The following IRAG1 variants were observed in gnomAD, a reference collection of about 807,000 sequenced individuals.
IRAG1 encodes the protein IP3R-associated cGMP kinase substrate.
IRAG1 carries 62 observed loss-of-function variants against 106.2 expected under a neutral mutation model. The observed-to-expected ratio is 0.58, with a 90% CI of 0.48 to 0.72. IRAG1 has a LOEUF of 0.72. Among genes scored for constraint, IRAG1 ranks in the 30% least tolerant of loss-of-function variants. IRAG1 has a pLI of 0.00. For synonymous variants in IRAG1, 462 were observed against 443.9 expected (o/e 1.04, Z -0.51); for missense variants, 1,064 against 1,140.7 (o/e 0.93, Z 0.97).
chr11:10,606,592 G>T, intron 12 of IRAG1, 150 bp downstream of exon 12: 1 of 756,958 alleles, frequency 1.3e-6, no homozygotes. Flanking sequence ...TGGTTCAAGA[G>T]GGCTGGTCAT....
intron 18 of IRAG1, 77 bp from the exon 19 acceptor site, chr11:10,582,063 C>T (rs1013713105): frequency 7.3e-6 from 11 of 1,512,092 alleles, no homozygotes; most frequent in African/African-American, 2.8e-5. Flanking sequence ...GTTTTTGGCC[C>T]GATTCCTGAT....
At chr11:10,683,814 C>G (rs1306223545) in intron 1 of IRAG1, among the ~76,000 whole-genome samples, 1 of 151,616 alleles carries the variant, frequency 6.6e-6, no homozygotes, top group Non-Finnish European at 1.5e-5. Flanking sequence ...CTTCTCTTTC[C>G]CCTTGAAGAA....
At chr11:10,633,326 T>C (rs77541479) in intron 3 of IRAG1, among the ~76,000 whole-genome samples, 2,140 of 152,272 alleles carry the variant, frequency 0.014, 35 homozygotes, top group East Asian at 0.062. Flanking sequence ...TCACCCGCCT[T>C]GGCCTCCCAA....
rs115646188 is a variant in IRAG1, at chr11:10,628,249, G to A, written c.653-224C>T. On this transcript the variant is annotated intron_variant, in intron 6 of 20. Transcript: ENST00000423302. This position sits in a 1 kb window ranked among gnomAD's most constrained non-coding sequence, Gnocchi z 4.1. ...CAGGGAAATCAAAGTCTCATGGCCA[G>A]GAAATGTCAGCACTGAGATTTGGGC... is the stretch of plus-strand genomic sequence containing the variant. Among the ~76,000 whole-genome samples, 431 of 152,354 alleles carry A rather than the reference G, an allele frequency of 2.8e-3. 2 individuals are homozygous for A. Among genetic ancestry groups the A allele is most frequent in the African/African-American group, 0.01 (419 of 41,582 alleles).
At chr11:10,689,271 A>G (rs1861884064) in intron 1 of IRAG1, among the ~76,000 whole-genome samples, 1 of 152,132 alleles carries the variant, frequency 6.6e-6, no homozygotes, top group Non-Finnish European at 1.5e-5. Flanking sequence ...AACCTTTTGA[A>G]TTTGTCCAGG....
chr11:10,669,747 C>G (rs1860072524), intron 1 of IRAG1, among the ~76,000 whole-genome samples: 2 of 152,142 alleles, frequency 1.3e-5, no homozygotes, highest in Admixed American at 1.3e-4. Context: ...TACCCTTCAC[C>G]CTCCTTGCAG....
intron 9 of IRAG1, 48 bp from the exon 10 acceptor site, chr11:10,623,904 C>T (rs1856024942): frequency 6.5e-7 from 1 of 1,543,986 alleles, no homozygotes; most frequent in Admixed American, 1.7e-5. Flanking sequence ...TGACACTGGG[C>T]TGGGCTGTTC....
At chr11:10,590,042 C>A (rs1852466279) in intron 18 of IRAG1, among the ~76,000 whole-genome samples, 1 of 152,082 alleles carries the variant, frequency 6.6e-6, no homozygotes, top group Non-Finnish European at 1.5e-5. Flanking sequence ...GGGAAAGGGG[C>A]TAGAGTTGAG....
At chr11:10,631,534 T>A (rs1371748296) in intron 4 of IRAG1, among the ~76,000 whole-genome samples, 1 of 152,214 alleles carries the variant, frequency 6.6e-6, no homozygotes, top group Admixed American at 6.5e-5. Flanking sequence ...AGTCTCTTCA[T>A]AGTCTATGAG....
chr11:10,658,677 C>CGTGCTGTGGTCAGTCCCAGGTCT, intron 1 of IRAG1: 1 of 137,884 alleles, frequency 7.3e-6, no homozygotes, highest in African/African-American at 3.3e-5. Context: ...GTCCCAGGTC[C>CGTGCTGTGGTCAGTCCCAGGTCT]GTGCTGTGGT....
At chr11:10,618,916 C>T (rs1855630208) in intron 10 of IRAG1, among the ~76,000 whole-genome samples, 1 of 152,116 alleles carries the variant, frequency 6.6e-6, no homozygotes, top group African/African-American at 2.4e-5. Context: ...TTCTAGAGAT[C>T]CCTGCGGCTG....
rs769394843 is a variant in IRAG1, at chr11:10,576,439, A to G, written c.2632T>C (p.Cys878Arg). ...AGGGGCCCATCAGCCTGCTCTGCAC[A>G]AGAGTTATAGGAATTGTAGAGCCCC... Reference protein sequence around the residue: ...VLGLYNSYNSCAEQADGPLGR... With the variant: ...VLGLYNSYNSRAEQADGPLGR... The change falls in exon 21 of 21, where the codon TGT becomes CGT. Residue 878 changes from cysteine to arginine, a missense_variant. Physicochemically the swap from Cys to Arg is radical, Grantham distance 180. Coordinates refer to ENST00000423302, the MANE Select transcript of IRAG1 (RefSeq NM_130385.4). The G allele has an allele frequency of 6.2e-7, 1 of 1,613,994 alleles. No individual in the cohort carries two copies. Among genetic ancestry groups the G allele is most frequent in the East Asian group, 2.2e-5 (1 of 44,870 alleles).
At chr11:10,626,610 C>T (rs1591632100) in intron 8 of IRAG1, 27 bp from the exon 9 acceptor site, 2 of 1,560,990 alleles carry the variant, frequency 1.3e-6, no homozygotes, top group Admixed American at 1.8e-5. Context: ...AGAGCTGGAA[C>T]CCTCGGGGGC....
chr11:10,680,801 A>T (rs7929879), intron 1 of IRAG1, among the ~76,000 whole-genome samples: 53,302 of 152,054 alleles, frequency 0.35, 10,142 homozygotes, highest in African/African-American at 0.49. Flanking sequence ...ACTTCTTAGA[A>T]CAATGCCTTT....
rs1343721995 is a variant in IRAG1 at position 10,628,239 on chromosome 11, C to T, written c.653-214G>A. 2 of 679,744 alleles carry T rather than the reference C, an allele frequency of 2.9e-6. No homozygotes were observed. The allele number at this position is 679,744 out of a possible 1,614,324, so 42.1% of individuals were successfully genotyped here. On this transcript the variant is annotated intron_variant, in intron 6 of 20. Coordinates refer to ENST00000423302, the MANE Select transcript of IRAG1 (RefSeq NM_130385.4). This position sits in a 1 kb window ranked among gnomAD's most constrained non-coding sequence, Gnocchi z 4.1. Reference sequence around the variant, plus strand: ...AACTGAGGCACAGGGAAATCAAAGTCTCATGGCCAGGAAATGTCAGCACTG... The same window carrying T: ...AACTGAGGCACAGGGAAATCAAAGTTTCATGGCCAGGAAATGTCAGCACTG...
At chr11:10,638,722 G>A (rs1373660429) in intron 2 of IRAG1, among the ~76,000 whole-genome samples, 1 of 152,034 alleles carries the variant, frequency 6.6e-6, no homozygotes, top group South Asian at 2.1e-4. Context: ...CTTGTGGTGG[G>A]GCTTTACAAA....
chr11:10,634,000 T>TGGTGA lies in IRAG1; in HGVS notation c.292_296dup (p.Glu100HisfsTer26), dbSNP rs769452943. 1 of 1,612,548 alleles carries TGGTGA rather than the reference T, an allele frequency of 6.2e-7. No homozygotes were observed. The highest frequency in any genetic ancestry group is 8.5e-7 in the Non-Finnish European group (1 of 1,179,086). On this transcript the variant is annotated frameshift_variant, in exon 3 of 21. Coordinates refer to ENST00000423302, the MANE Select transcript of IRAG1 (RefSeq NM_130385.4). LOFTEE classifies it high-confidence loss of function. ...CCAGGTTTTTGTCGGTTTCTCCTTC[T>TGGTGA]GGTGAAGTGGCATCCCCAGTCAGGA...
At chr11:10,661,450 T>A (rs575438257) in intron 1 of IRAG1, among the ~76,000 whole-genome samples, 1 of 148,328 alleles carries the variant, frequency 6.7e-6, no homozygotes, top group Admixed American at 6.6e-5. Flanking sequence ...AAATTCATTA[T>A]CTTACAATTC....
chr11:10,581,110 C>T (rs776801435), intron 19 of IRAG1, among the ~76,000 whole-genome samples: 21 of 152,258 alleles, frequency 1.4e-4, no homozygotes, highest in South Asian at 1.2e-3. Flanking sequence ...GAGAAAGGCA[C>T]GCTTTCAAAG....
Sources: allele counts gnomAD v4.1 joint callset (sites outside exome capture counted in the v4.1 genomes callset), GRCh38; gene constraint gnomAD v4.1.1; non-coding constraint Gnocchi (gnomAD v3.1); transcripts MANE v1.5; gene names NCBI Gene and HGNC (gene_info 2026-07-23, HGNC 2026-07-21).